OLFML2A: variants seen among roughly 807,000 people sequenced by gnomAD.
OLFML2A encodes olfactomedin-like protein 2A.
Under a neutral mutation model 60.9 loss-of-function variants are expected in OLFML2A, and 47 were observed. The observed-to-expected ratio is 0.77, with a 90% CI of 0.61 to 0.98. OLFML2A has a LOEUF of 0.98. Among genes scored for constraint, OLFML2A ranks in the 50% least tolerant of loss-of-function variants. The pLI is 0.00. For missense variants in OLFML2A, 922 were observed against 879.8 expected, an observed-to-expected ratio of 1.05 and a Z score of -0.61; for synonymous variants, 372 against 375.0, an observed-to-expected ratio of 0.99 and a Z score of 0.09.
At chr9:124,795,726 G>A (rs1388620061) in intron 3 of OLFML2A, among the ~76,000 whole-genome samples, 1 of 152,216 alleles carries the variant, frequency 6.6e-6, no homozygotes, top group African/African-American at 2.4e-5. Flanking sequence ...AGTGAACCGA[G>A]ATCGTGCCAC....
intron 2 of OLFML2A, among the ~76,000 whole-genome samples, chr9:124,791,060 T>C (rs1025798982): frequency 6.6e-6 from 1 of 152,216 alleles, no homozygotes. Flanking sequence ...GGACCAGACA[T>C]GGCTCCTGCC....
chr9:124,803,870 G>A (rs1160123007), intron 5 of OLFML2A, among the ~76,000 whole-genome samples: 2 of 152,212 alleles, frequency 1.3e-5, no homozygotes, highest in Non-Finnish European at 2.9e-5. Context: ...AAGGCAGGGG[G>A]ACATGGCTGA....
At chr9:124,778,637 A>T (rs981977869) in intron 1 of OLFML2A, among the ~76,000 whole-genome samples, 10 of 150,082 alleles carry the variant, frequency 6.7e-5, no homozygotes, top group Admixed American at 4.6e-4. Context: ...AAAAAAAAAA[A>T]TTAAATTAAA....
chr9:124,777,394 G>C lies in OLFML2A; in HGVS notation c.90+34G>C. On this transcript the variant is annotated intron_variant, in intron 1 of 7. Transcript: ENST00000373580. This position sits in a 1 kb window ranked among gnomAD's most constrained non-coding sequence, Gnocchi z 6.2. ...GCCCCTCGGACCCGCGCGGCTCGGC[G>C]GGTAGCGGGGCGCGAGGGGGCGCTG... 8.1e-7 allele frequency: 1 copy of C among 1,228,624 alleles called. No homozygotes were observed. Among genetic ancestry groups the C allele is most frequent in the Non-Finnish European group, 1.0e-6 (1 of 984,646 alleles). The allele number at this position is 1,228,624 out of a possible 1,614,324, so 76.1% of individuals were successfully genotyped here.
chr9:124,813,972 T>C lies in OLFML2A; in HGVS notation c.*3560T>C, dbSNP rs903994741. On this transcript the variant is annotated 3_prime_UTR_variant, in exon 8 of 8. Coordinates refer to ENST00000373580, the MANE Select transcript of OLFML2A (RefSeq NM_182487.4). The stretch of plus-strand genomic sequence containing the variant: ...GGGGGACCAGGTCTTCTTGCTGACC[T>C]CGTCTACAAAGGCAAAGGAAGGCAA... The C allele has an allele frequency of 2.6e-5, 4 of 152,226 alleles. No homozygotes were observed. The highest frequency in any genetic ancestry group is 9.7e-5 in the African/African-American group (4 of 41,448). 9.4% of individuals were successfully genotyped at this position (152,226 alleles called of 1,614,324 possible). A position where few individuals can be genotyped will look rare whatever the true frequency, so the allele number is the denominator to read the frequency against.
In OLFML2A at chr9:124,777,452, G is replaced by A; in HGVS notation, c.90+92G>A. Reference sequence around the variant, plus strand: ...GGTGCGGCCCGGGAGGGAGCCCGGGGCCAGGGCGGAGGAGCCGGGAGCTGA... The same window carrying A: ...GGTGCGGCCCGGGAGGGAGCCCGGGACCAGGGCGGAGGAGCCGGGAGCTGA... On this transcript the variant is annotated intron_variant, in intron 1 of 7. Transcript: ENST00000373580. The surrounding 1 kb of genome is among the most constrained non-coding windows in gnomAD (Gnocchi z 6.2). 8.5e-7 allele frequency: 1 copy of A among 1,172,318 alleles called. No individual in the cohort carries two copies. The highest frequency in any genetic ancestry group is 1.1e-6 in the Non-Finnish European group (1 of 939,328). 72.6% of individuals were successfully genotyped at this position (1,172,318 alleles called of 1,614,324 possible).
chr9:124,804,101 C>G lies in OLFML2A; in HGVS notation c.927C>G (p.Thr309=). Residue 309 remains threonine (T), a synonymous_variant, in exon 6 of 8, where the codon ACC becomes ACG. Transcript: ENST00000373580. Reference sequence around the variant, plus strand: ...GGGGTCTTCTCTCTGCAGACAACACCCTCCAGGGCACTTCCTGGCTGGAGC... The same window carrying G: ...GGGGTCTTCTCTCTGCAGACAACACGCTCCAGGGCACTTCCTGGCTGGAGC... ...QEVTEAVADN[T]LQGTSWLEQL... The G allele has an allele frequency of 2.5e-6, 4 of 1,613,998 alleles. No homozygotes were observed. Among genetic ancestry groups the G allele is most frequent in the Non-Finnish European group, 3.4e-6 (4 of 1,179,942 alleles).
intron 6 of OLFML2A, among the ~76,000 whole-genome samples, chr9:124,806,065 T>C (rs2131277141): frequency 6.6e-6 from 1 of 152,058 alleles, no homozygotes; most frequent in South Asian, 2.1e-4. Flanking sequence ...ATCAGTGAAA[T>C]ACAATTTTTA....
intron 7 of OLFML2A, 88 bp downstream of exon 7, chr9:124,808,054 G>T: frequency 1.0e-6 from 1 of 993,846 alleles, no homozygotes. Context: ...CTTGCCTTGT[G>T]GGTTTCTATG....
intron 1 of OLFML2A, among the ~76,000 whole-genome samples, chr9:124,778,421 G>A (rs1841299306): frequency 6.6e-6 from 1 of 150,658 alleles, no homozygotes; most frequent in Non-Finnish European, 1.5e-5. Context: ...TTCTGGAAAT[G>A]ACTCCCTGAT....
intron 4 of OLFML2A, among the ~76,000 whole-genome samples, chr9:124,800,173 G>A (rs1014896783): frequency 2.6e-5 from 4 of 152,232 alleles, no homozygotes; most frequent in South Asian, 2.1e-4. Flanking sequence ...TGGGTGAGCC[G>A]GTTGCACAGA....
Position 124,801,639 on chromosome 9 carries a change from CAGG to C in OLFML2A, c.899_901del (p.Glu300del), listed in dbSNP as rs755390855. The C allele has an allele frequency of 3.1e-6, 5 of 1,613,426 alleles. No individual in the cohort carries two copies. The African/African-American group carries it at 6.7e-5, about 22-fold the overall frequency. On this transcript the variant is annotated inframe_deletion, in exon 5 of 8. Transcript: ENST00000373580. The stretch of plus-strand genomic sequence containing the variant: ...CTTCACCTACTACAAGGCAGGCAAG[CAGG>C]AGGTGACCGAGGCGGTGGCAGGTGA...
At chr9:124,807,646 G>C in intron 6 of OLFML2A, 135 bp from the exon 7 acceptor site, 4 of 638,828 alleles carry the variant, frequency 6.3e-6, no homozygotes, top group African/African-American at 1.8e-5. Context: ...TTGATGATGA[G>C]GAAAGGGGAA....
At position 124,810,678 on chromosome 9, in the gene OLFML2A, A is replaced by G; in HGVS notation, c.*266A>G. 1 of 511,422 alleles carries G rather than the reference A, an allele frequency of 2.0e-6. No homozygotes were observed. Among genetic ancestry groups the G allele is most frequent in the Non-Finnish European group, 3.5e-6 (1 of 286,158 alleles). The allele number at this position is 511,422 out of a possible 1,614,324, so 31.7% of individuals were successfully genotyped here. A position where few individuals can be genotyped will look rare whatever the true frequency, so the allele number is the denominator to read the frequency against. On this transcript the variant is annotated 3_prime_UTR_variant, in exon 8 of 8. Coordinates refer to ENST00000373580, the MANE Select transcript of OLFML2A (RefSeq NM_182487.4). ...CCTTGGAGGTAGAGATCATGAACCCATTTAACAGACGAGGAGACAGGCTCA... is the reference window on the plus strand; with the variant it reads ...CCTTGGAGGTAGAGATCATGAACCCGTTTAACAGACGAGGAGACAGGCTCA...
Position 124,804,182 on chromosome 9 carries a change from G to A in OLFML2A, c.1008G>A (p.Glu336=). ...ACTCCGCAGAGCCCAACTCCGCAGA[G>A]CAGGATGAGGCTGAGCCCAGGTCCT... ...RSNSAEPNSA[E]QDEAEPRSSE... is the part of the protein sequence containing the mutation. The change falls in exon 6 of 8, where the codon GAG becomes GAA. Residue 336 remains glutamate (E), a synonymous_variant. Coordinates refer to ENST00000373580, the MANE Select transcript of OLFML2A (RefSeq NM_182487.4). 6.2e-7 allele frequency: 1 copy of A among 1,614,180 alleles called. No individual in the cohort carries two copies.
chr9:124,803,196 A>G (rs1379426884), intron 5 of OLFML2A, among the ~76,000 whole-genome samples: 1 of 152,142 alleles, frequency 6.6e-6, no homozygotes, highest in East Asian at 1.9e-4. Flanking sequence ...GGCATGAGCC[A>G]CCGCGCCCGG....
intron 2 of OLFML2A, among the ~76,000 whole-genome samples, chr9:124,788,724 G>A (rs1298585100): frequency 6.6e-6 from 1 of 152,198 alleles, no homozygotes; most frequent in African/African-American, 2.4e-5. Flanking sequence ...CCCATGGTTT[G>A]GTTAGACATG....
In OLFML2A at chr9:124,807,761, G is replaced by A. The variant is rs750508201; in HGVS notation, c.1169-20G>A. ...GCTTGGGGGTCTGTGTACCGATGCT[G>A]CCTGCCCTCCTCCCCACAGGCAGAG... On this transcript the variant is annotated intron_variant, in intron 6 of 7. Transcript: ENST00000373580. 2.5e-6 allele frequency: 4 copies of A among 1,599,336 alleles called. No individual in the cohort carries two copies. Among genetic ancestry groups the A allele is most frequent in the South Asian group, 1.1e-5 (1 of 89,772 alleles).
intron 1 of OLFML2A, among the ~76,000 whole-genome samples, chr9:124,781,580 G>T (rs1841361723): frequency 6.6e-6 from 1 of 152,122 alleles, no homozygotes; most frequent in Non-Finnish European, 1.5e-5. Context: ...GATCACCTGA[G>T]GTCAGGAGTT....
Sources: gnomAD v4.1 joint callset for allele counts (sites outside exome capture counted in the v4.1 genomes callset) on GRCh38, gnomAD v4.1.1 for gene constraint, Gnocchi (gnomAD v3.1) non-coding constraint, MANE v1.5 for transcripts, NCBI Gene and HGNC (gene_info 2026-07-23, HGNC 2026-07-21) for gene names.